Variants in RYR2 observed in about 807,000 individuals in gnomAD.
The protein encoded by RYR2 is ryanodine receptor 2.
Under a neutral mutation model 601.1 loss-of-function variants are expected in RYR2, and 227 were observed. The ratio of observed to expected loss-of-function variants is 0.38; its 90% confidence interval spans 0.34 to 0.42. RYR2 has a LOEUF of 0.42. RYR2 is among the 10% of genes least tolerant of loss of function. The pLI is 1.00. For synonymous variants in RYR2, 2,223 were observed against 2,175.1 expected, an observed-to-expected ratio of 1.02 and a Z score of -0.61; for missense variants, 4,646 against 6,156.5, an observed-to-expected ratio of 0.75 and a Z score of 8.21.
At chr1:237,424,721 C>T (rs989556229) in intron 12 of RYR2, among the ~76,000 whole-genome samples, 3 of 152,108 alleles carry the variant, frequency 2.0e-5, no homozygotes, top group East Asian at 1.9e-4. Flanking sequence ...TTAGGTAAAG[C>T]GTTTACCCTA....
chr1:237,312,214 G>A (rs1305288171), intron 2 of RYR2, among the ~76,000 whole-genome samples: 1 of 152,170 alleles, frequency 6.6e-6, no homozygotes, highest in African/African-American at 2.4e-5. Context: ...AATAGAGTTG[G>A]CTGCTTGACT....
chr1:237,589,039 T>C (rs1347797762), intron 29 of RYR2, among the ~76,000 whole-genome samples: 1 of 152,180 alleles, frequency 6.6e-6, no homozygotes, highest in Non-Finnish European at 1.5e-5. Flanking sequence ...CTGACACACA[T>C]GGGAAGAGCT....
chr1:237,479,609 G>C (rs6429022), intron 17 of RYR2, among the ~76,000 whole-genome samples: 13,236 of 152,032 alleles, frequency 0.087, 820 homozygotes, highest in African/African-American at 0.17. Context: ...AAAATTCTCA[G>C]GTGTTTATGT....
chr1:237,471,003 GT>G (rs1660662595), intron 17 of RYR2: 1 of 154,426 alleles, frequency 6.5e-6, no homozygotes, highest in Admixed American at 6.5e-5. Flanking sequence ...TGAGGAAGCA[GT>G]GTCTGATTTG....
intron 16 of RYR2, among the ~76,000 whole-genome samples, chr1:237,467,922 G>A (rs1660266569): frequency 6.8e-6 from 1 of 146,994 alleles, no homozygotes; most frequent in Admixed American, 7.0e-5. Flanking sequence ...GCGGTGGCAC[G>A]ATCTTGGCTC....
chr1:237,743,116 A>G (rs1691759255), intron 80 of RYR2, among the ~76,000 whole-genome samples: 1 of 152,178 alleles, frequency 6.6e-6, no homozygotes, highest in Non-Finnish European at 1.5e-5. Flanking sequence ...GCAGGGAAAT[A>G]GAAATTAGAT....
chr1:237,663,222 C>T (rs1290642709), intron 56 of RYR2, among the ~76,000 whole-genome samples: 1 of 152,158 alleles, frequency 6.6e-6, no homozygotes, highest in Non-Finnish European at 1.5e-5. Flanking sequence ...CGTTACTTGC[C>T]TTATAGCATT....
At position 237,225,387 on chromosome 1, in the gene RYR2, CA is replaced by C. The variant is rs1441720395; in HGVS notation, c.49-45109del. On this transcript the variant is annotated intron_variant, in intron 1 of 104. Transcript: ENST00000366574. ...TTTAATGGACTCAAATTCCACATGG[CA>C]GAGGGCGAAAGGCACGTCTTACATG... 2.0e-5 allele frequency among the ~76,000 whole-genome samples: 3 copies of C among 152,074 alleles called. No homozygotes were observed. In the East Asian group the frequency reaches 5.8e-4, roughly 29 times the overall value.
chr1:237,598,055 CA>C (rs1302968616), intron 34 of RYR2, among the ~76,000 whole-genome samples: 2 of 151,764 alleles, frequency 1.3e-5, no homozygotes, highest in South Asian at 4.2e-4. Flanking sequence ...AGACTTAATT[CA>C]AAAAATGTAA....
intron 40 of RYR2, among the ~76,000 whole-genome samples, chr1:237,626,944 G>A (rs615869): frequency 0.59 from 90,361 of 151,872 alleles, 28,839 homozygotes; most frequent in Non-Finnish European, 0.7. Flanking sequence ...TAAAATGACA[G>A]TGTGGTTTTC....
At chr1:237,546,190 C>T (rs1311527641) in intron 25 of RYR2, among the ~76,000 whole-genome samples, 1 of 151,952 alleles carries the variant, frequency 6.6e-6, no homozygotes, top group African/African-American at 2.4e-5. Context: ...ATTGCCCATA[C>T]AAACAGAGTT....
At chr1:237,717,162 C>G (rs376791504) in intron 71 of RYR2, 36 bp from the exon 72 acceptor site, 68 of 1,599,430 alleles carry the variant, frequency 4.3e-5, no homozygotes, top group Middle Eastern at 1.7e-4. Flanking sequence ...GTGAGAAAAG[C>G]AGGTTCAGAT....
intron 79 of RYR2, among the ~76,000 whole-genome samples, chr1:237,741,344 C>T (rs1361870247): frequency 2.0e-5 from 3 of 152,116 alleles, no homozygotes; most frequent in South Asian, 4.2e-4. Context: ...TGTGTCTCAC[C>T]GAATTAAAAA....
At chr1:237,100,813 A>C (rs1668002859) in intron 1 of RYR2, among the ~76,000 whole-genome samples, 1 of 152,108 alleles carries the variant, frequency 6.6e-6, no homozygotes, top group African/African-American at 2.4e-5. Context: ...TATACGCAAC[A>C]CTAGGGGTCC....
At chr1:237,640,505 C>A (rs1029088) in intron 46 of RYR2, among the ~76,000 whole-genome samples, 46,469 of 152,002 alleles carry the variant, frequency 0.31, 7,661 homozygotes, top group East Asian at 0.59. Context: ...ACCTTGTATG[C>A]CATCTTTGTC....
chr1:237,202,165 T>G (rs1439891643), intron 1 of RYR2, among the ~76,000 whole-genome samples: 1 of 152,238 alleles, frequency 6.6e-6, no homozygotes, highest in East Asian at 1.9e-4. Flanking sequence ...GATATTTACT[T>G]ATACAATTTG....
intron 67 of RYR2, among the ~76,000 whole-genome samples, chr1:237,706,205 C>T (rs548073751): frequency 1.8e-4 from 28 of 152,172 alleles, no homozygotes; most frequent in African/African-American, 2.6e-4. Context: ...GCCAAGACTG[C>T]GCCACTGCAC....
chr1:237,174,924 A>G (rs1471601160), intron 1 of RYR2, among the ~76,000 whole-genome samples: 3 of 152,230 alleles, frequency 2.0e-5, no homozygotes, highest in Non-Finnish European at 4.4e-5. Flanking sequence ...TGAAGGTTAA[A>G]AAACACTGTT....
At chr1:237,473,968 A>G (rs1458923760) in intron 17 of RYR2, among the ~76,000 whole-genome samples, 3 of 152,056 alleles carry the variant, frequency 2.0e-5, no homozygotes, top group Non-Finnish European at 4.4e-5. Flanking sequence ...GTCATGAATC[A>G]TAGCTCCTGT....
Sources: gnomAD v4.1 joint callset for allele counts (sites outside exome capture counted in the v4.1 genomes callset) on GRCh38, gnomAD v4.1.1 for gene constraint, MANE v1.5 for transcripts, NCBI Gene and HGNC (gene_info 2026-07-23, HGNC 2026-07-21) for gene names.